The following ADCK1 variants were observed in gnomAD, a reference collection of about 807,000 sequenced individuals.
ADCK1 encodes the protein aarF domain-containing protein kinase 1.
A neutral mutation model predicts 52.3 loss-of-function variants in ADCK1; 41 were observed. That is an observed-to-expected ratio of 0.78 (90% confidence interval 0.61 to 1.02). The LOEUF (loss-of-function observed/expected upper bound fraction) is 1.02. Ranked by LOEUF, ADCK1 falls within the 50% of genes least tolerant of loss-of-function variation. The pLI, the probability that ADCK1 is intolerant of heterozygous loss-of-function variation, is 0.00. For missense variants in ADCK1, 658 were observed against 679.5 expected (o/e 0.97, Z 0.35); for synonymous variants, 250 against 274.6 (o/e 0.91, Z 0.89).
At position 77,814,695 on chromosome 14, in the gene ADCK1, CAA is replaced by C. The variant is rs995163952; in HGVS notation, c.-11-4250_-11-4249del. On this transcript the variant is annotated intron_variant, in intron 1 of 10. Transcript: ENST00000238561. The stretch of plus-strand genomic sequence containing the variant: ...CCTGGGTGACAGAGCAAGACACTCT[CAA>C]AAAAAAAAAAAAAAAAAAAAAAGAA... Among the ~76,000 whole-genome samples, 358 of 35,882 alleles carry C rather than the reference CAA, an allele frequency of 1.0e-2. 1 individual carries two copies. Among genetic ancestry groups the C allele is most frequent in the African/African-American group, 0.033 (343 of 10,264 alleles). The allele number at this position is 35,882 out of a possible 152,430, so 23.5% of individuals were successfully genotyped here.
chr14:77,886,210 C>T (rs188795135), intron 4 of ADCK1, among the ~76,000 whole-genome samples: 5 of 152,252 alleles, frequency 3.3e-5, no homozygotes, highest in Admixed American at 6.5e-5. Flanking sequence ...CTGCTCAGGC[C>T]GGAACAAAAG....
intron 3 of ADCK1, among the ~76,000 whole-genome samples, chr14:77,838,340 TG>T (rs1379629382): frequency 6.6e-6 from 1 of 152,224 alleles, no homozygotes; most frequent in Non-Finnish European, 1.5e-5. Context: ...GTTCAGGAAC[TG>T]GGGTGCTGTC....
chr14:77,830,541 C>T (rs2081824590), intron 3 of ADCK1, among the ~76,000 whole-genome samples: 1 of 151,176 alleles, frequency 6.6e-6, no homozygotes, highest in Non-Finnish European at 1.5e-5. Context: ...GATCCTCCCA[C>T]CTCGGCCTCC....
chr14:77,907,981 G>A lies in ADCK1; in HGVS notation c.858+62G>A, dbSNP rs555364256. On this transcript the variant is annotated intron_variant, in intron 7 of 10. Coordinates refer to ENST00000238561, the MANE Select transcript of ADCK1 (RefSeq NM_020421.4). ...CGTGGGCTTGGTCAAGGCTGCCCAG[G>A]AAGTGCCTGTGTGTCCAGGTGAGGC... 84 of 1,450,778 alleles carry A rather than the reference G, an allele frequency of 5.8e-5. 1 individual carries two copies. In the Middle Eastern group the frequency reaches 7.0e-4, roughly 12 times the overall value. 89.9% of individuals were successfully genotyped at this position (1,450,778 alleles called of 1,614,324 possible). A position where few individuals can be genotyped will look rare whatever the true frequency, so the allele number is the denominator to read the frequency against.
At chr14:77,872,237 T>G (rs1388500349) in intron 4 of ADCK1, among the ~76,000 whole-genome samples, 2 of 152,172 alleles carry the variant, frequency 1.3e-5, no homozygotes, top group Non-Finnish European at 2.9e-5. Context: ...TCTGAGATGT[T>G]AAGTAACTTC....
Position 77,824,797 on chromosome 14 carries a change from AT to A in ADCK1, c.219+2280del, listed in dbSNP as rs200795603. Among the ~76,000 whole-genome samples the A allele has an allele frequency of 5.9e-3, 899 of 152,302 alleles. 5 individuals are homozygous for A. Among genetic ancestry groups the A allele is most frequent in the Non-Finnish European group, 9.0e-3 (610 of 68,026 alleles). Reference sequence around the variant, plus strand: ...ATCAAAATGTCCAAATAAGGTAGATATATTAAGGTTGACATTTTCTACATCT... The same window carrying A: ...ATCAAAATGTCCAAATAAGGTAGATAATTAAGGTTGACATTTTCTACATCT... On this transcript the variant is annotated intron_variant, in intron 3 of 10. Transcript: ENST00000238561.
At chr14:77,924,054 C>T in intron 7 of ADCK1, 1 of 165,852 alleles carries the variant, frequency 6.0e-6, no homozygotes. Flanking sequence ...GAATGACTCC[C>T]TCAGCCCAGC....
intron 7 of ADCK1, among the ~76,000 whole-genome samples, chr14:77,913,155 T>G (rs1479580737): frequency 2.6e-5 from 4 of 152,192 alleles, no homozygotes; most frequent in Non-Finnish European, 5.9e-5. Flanking sequence ...TACTCCAAAC[T>G]CACTAATCCA....
At chr14:77,874,462 G>A (rs1252968602) in intron 4 of ADCK1, among the ~76,000 whole-genome samples, 1 of 152,140 alleles carries the variant, frequency 6.6e-6, no homozygotes, top group Non-Finnish European at 1.5e-5. Context: ...AAGGCCTTTG[G>A]GGCAGGACTG....
At chr14:77,827,569 T>C (rs561793817) in intron 3 of ADCK1, among the ~76,000 whole-genome samples, 2 of 152,214 alleles carry the variant, frequency 1.3e-5, no homozygotes, top group South Asian at 4.2e-4. Flanking sequence ...TTTTTTTCTT[T>C]TTCTTTTTTT....
chr14:77,907,678 C>T (rs1432787813), intron 6 of ADCK1, 125 bp from the exon 7 acceptor site: 3 of 674,320 alleles, frequency 4.4e-6, no homozygotes, highest in African/African-American at 3.6e-5. Flanking sequence ...TGAGGTCCCT[C>T]CTGGGCCTCT....
At chr14:77,855,454 C>G (rs1214580716) in intron 3 of ADCK1, among the ~76,000 whole-genome samples, 1 of 152,342 alleles carries the variant, frequency 6.6e-6, no homozygotes, top group East Asian at 1.9e-4. Flanking sequence ...GCCTGAGACA[C>G]TCTGAAGTCC....
At chr14:77,840,120 G>A (rs891518556) in intron 3 of ADCK1, among the ~76,000 whole-genome samples, 14 of 152,054 alleles carry the variant, frequency 9.2e-5, no homozygotes, top group Admixed American at 5.9e-4. Context: ...GTGAACCAGG[G>A]AGGTGGAGGT....
intron 6 of ADCK1, among the ~76,000 whole-genome samples, chr14:77,901,079 C>T (rs1341873833): frequency 2.7e-5 from 4 of 147,446 alleles, no homozygotes; most frequent in African/African-American, 1.0e-4. Flanking sequence ...GAGTCTCGCT[C>T]TGTTGCCCAG....
chr14:77,833,451 C>T (rs1329783120), intron 3 of ADCK1, among the ~76,000 whole-genome samples: 9 of 152,228 alleles, frequency 5.9e-5, no homozygotes, highest in South Asian at 4.2e-4. Context: ...CTGGCTTTCT[C>T]GGAGTTTGTG....
intron 3 of ADCK1, among the ~76,000 whole-genome samples, chr14:77,848,346 T>C (rs533528224): frequency 6.6e-6 from 1 of 152,370 alleles, no homozygotes; most frequent in Admixed American, 6.5e-5. Context: ...GTAAGACCTC[T>C]AACTTTTTGG....
At chr14:77,873,665 A>G (rs1279368335) in intron 4 of ADCK1, among the ~76,000 whole-genome samples, 1 of 152,168 alleles carries the variant, frequency 6.6e-6, no homozygotes, top group Non-Finnish European at 1.5e-5. Context: ...TTCTTGTGAT[A>G]GTGAGTTAGT....
intron 3 of ADCK1, among the ~76,000 whole-genome samples, chr14:77,845,591 A>ATT (rs2082158134): frequency 6.6e-6 from 1 of 151,970 alleles, no homozygotes; most frequent in African/African-American, 2.4e-5. Flanking sequence ...CACCCGGCTC[A>ATT]TTTTTGTATT....
chr14:77,848,272 G>A (rs1228544998), intron 3 of ADCK1, among the ~76,000 whole-genome samples: 1 of 152,190 alleles, frequency 6.6e-6, no homozygotes, highest in African/African-American at 2.4e-5. Flanking sequence ...AAAGACAGAT[G>A]TTTTGCAATT....
Sources: allele counts gnomAD v4.1 joint callset (sites outside exome capture counted in the v4.1 genomes callset), GRCh38; gene constraint gnomAD v4.1.1; transcripts MANE v1.5; gene names NCBI Gene and HGNC (gene_info 2026-07-23, HGNC 2026-07-21).